Variants in MFAP1 observed in about 807,000 individuals in gnomAD.
MFAP1 encodes the protein microfibril associated protein 1, also known as microfibrillar-associated protein 1.
In MFAP1, 18 loss-of-function variants were observed where a neutral mutation model predicts 62.2. The ratio of observed to expected loss-of-function variants is 0.29; its 90% CI spans 0.20 to 0.43. MFAP1 has a LOEUF of 0.43. Among genes scored for constraint, MFAP1 ranks in the 20% least tolerant of loss-of-function variants. The pLI, the probability that MFAP1 is intolerant of heterozygous loss-of-function variation, is 1.00. For missense variants in MFAP1, 355 were observed against 559.7 expected, an observed-to-expected ratio of 0.63 and a Z score of 3.69; for synonymous variants, 175 against 180.4, an observed-to-expected ratio of 0.97 and a Z score of 0.24.
intron 1 of MFAP1, 48 bp downstream of exon 1, chr15:43,824,443 G>T (rs2087486190): frequency 6.3e-7 from 1 of 1,598,628 alleles, no homozygotes; most frequent in Non-Finnish European, 8.6e-7. Context: ...GGTTGCTGGG[G>T]CCGGAAGGGG....
chr15:43,809,975 T>C, intron 6 of MFAP1, 61 bp from the exon 7 acceptor site: 1 of 1,580,624 alleles, frequency 6.3e-7, no homozygotes, highest in Non-Finnish European at 8.7e-7. Context: ...CCAAATTATC[T>C]GAAAATAACA....
At chr15:43,818,712 C>T (rs1322007982) in intron 1 of MFAP1, among the ~76,000 whole-genome samples, 1 of 151,066 alleles carries the variant, frequency 6.6e-6, no homozygotes, top group Non-Finnish European at 1.5e-5. Context: ...GGGTTTAGAC[C>T]TCATCTCTAC....
rs1057082699 is a variant in MFAP1 at position 43,815,180 on chromosome 15, T to C, written c.300-106A>G. 2.1e-5 allele frequency: 30 copies of C among 1,437,050 alleles called. No individual in the cohort carries two copies. The African/African-American group carries it at 3.4e-4, about 16-fold the overall frequency. The allele number at this position is 1,437,050 out of a possible 1,614,324, so 89.0% of individuals were successfully genotyped here. The stretch of plus-strand genomic sequence containing the variant: ...ACATTATGTTTGCCTTCATTAATAC[T>C]GAAGTTTTTTTTTTTTTGAGGCAGG... On this transcript the variant is annotated intron_variant, in intron 2 of 8. Transcript: ENST00000267812.
At position 43,814,979 on chromosome 15, in the gene MFAP1, C is replaced by T. The variant is rs1369386600; in HGVS notation, c.395G>A (p.Ser132Asn). ...AATTTCCTCCTCCTCTTCTTCACTG[C>T]TGTCTTCTCGTTCCATGCGCCAAGC... ...GDAWRMERED[S>N]SEEEEEEIDD... is the part of the protein sequence containing the mutation. Residue 132 changes from serine (S) to asparagine (N), a missense_variant, in exon 3 of 9, where the codon AGC (serine) becomes AAC (asparagine). Around this residue, in one of 6 missense-constraint regions of MFAP1, gnomAD observed 257 missense variants for 341.3 expected, o/e 0.75. Coordinates refer to ENST00000267812, the MANE Select transcript of MFAP1 (RefSeq NM_005926.3). 3.1e-6 allele frequency: 5 copies of T among 1,614,038 alleles called. No individual in the cohort carries two copies. The highest frequency in any genetic ancestry group is 4.2e-6 in the Non-Finnish European group (5 of 1,180,038).
intron 1 of MFAP1, among the ~76,000 whole-genome samples, chr15:43,821,545 T>A (rs1246148349): frequency 6.6e-6 from 1 of 152,050 alleles, no homozygotes; most frequent in Non-Finnish European, 1.5e-5. Flanking sequence ...AACAAACTTA[T>A]ATGAGAACTC....
chr15:43,811,207 G>A (rs1255510633), intron 6 of MFAP1, among the ~76,000 whole-genome samples: 3 of 150,680 alleles, frequency 2.0e-5, no homozygotes, highest in South Asian at 4.2e-4. Context: ...CTGAAGTCAG[G>A]AGTTCAAGGC....
At chr15:43,808,619 C>T (rs1384646472) in intron 7 of MFAP1, among the ~76,000 whole-genome samples, 1 of 152,222 alleles carries the variant, frequency 6.6e-6, no homozygotes, top group Non-Finnish European at 1.5e-5. Flanking sequence ...CGAAGCAGTA[C>T]AAGAAGTAGT....
Position 43,813,376 on chromosome 15 carries a change from G to A in MFAP1, c.618-19C>T, listed in dbSNP as rs370610836. 102 of 1,596,214 alleles carry A rather than the reference G, an allele frequency of 6.4e-5. 1 individual carries two copies. Among genetic ancestry groups the A allele is most frequent in the South Asian group, 5.6e-4 (50 of 88,920 alleles). On this transcript the variant is annotated intron_variant, in intron 4 of 8. Coordinates refer to ENST00000267812, the MANE Select transcript of MFAP1 (RefSeq NM_005926.3). ...GTCCTTCCTGCATCACAGAGATCCT[G>A]TTAATTGCCCAAAGTCCTTAGAGTG...
intron 6 of MFAP1, among the ~76,000 whole-genome samples, chr15:43,811,028 TAC>T (rs963129019): frequency 1.3e-5 from 2 of 151,602 alleles, no homozygotes; most frequent in African/African-American, 4.8e-5. Flanking sequence ...TTGTTGGGAT[TAC>T]AGGCGTGAGC....
At chr15:43,815,246 C>G (rs1186474412) in intron 2 of MFAP1, among the ~76,000 whole-genome samples, 172 bp from the exon 3 acceptor site, 1 of 151,862 alleles carries the variant, frequency 6.6e-6, no homozygotes. Flanking sequence ...GTGGTGCGAT[C>G]TTGGCTCACT....
intron 2 of MFAP1, among the ~76,000 whole-genome samples, chr15:43,815,300 C>A (rs1223314375): frequency 6.6e-6 from 1 of 152,124 alleles, no homozygotes; most frequent in Non-Finnish European, 1.5e-5. Flanking sequence ...CCACCTCAGC[C>A]TCCTGAGTAG....
At chr15:43,824,418 C>G (rs1269897441) in intron 1 of MFAP1, 73 bp downstream of exon 1, 18 of 1,518,860 alleles carry the variant, frequency 1.2e-5, no homozygotes, top group Non-Finnish European at 1.6e-5. Context: ...GTGGTCTGTC[C>G]GGGAGAGGTC....
In MFAP1 at chr15:43,810,793, G is replaced by A. The variant is rs200034392; in HGVS notation, c.888-879C>T. On this transcript the variant is annotated intron_variant, in intron 6 of 8. Transcript: ENST00000267812. ...TTTTTTTGAGATGGAATCTTGCTCT[G>A]TTGCCCAGGCTGGAGTGCAGTGGCA... 3.8e-4 allele frequency among the ~76,000 whole-genome samples: 57 copies of A among 151,862 alleles called. No homozygotes were observed. The East Asian group carries it at 7.9e-3, about 21-fold the overall frequency.
Position 43,804,981 on chromosome 15 carries a change from G to T in MFAP1, c.*113C>A, listed in dbSNP as rs1022337652. 1.7e-6 allele frequency: 2 copies of T among 1,182,490 alleles called. No individual in the cohort carries two copies. Among genetic ancestry groups the T allele is most frequent in the African/African-American group, 1.5e-5 (1 of 65,352 alleles). The allele number at this position is 1,182,490 out of a possible 1,614,324, so 73.2% of individuals were successfully genotyped here. On this transcript the variant is annotated 3_prime_UTR_variant, in exon 9 of 9. Transcript: ENST00000267812. Reference sequence around the variant, plus strand: ...GCTACCCAGTATCACAAGTATAGCAGTAAGTCCAATATCTGGATACAGGGG... The same window carrying T: ...GCTACCCAGTATCACAAGTATAGCATTAAGTCCAATATCTGGATACAGGGG...
intron 3 of MFAP1, 38 bp from the exon 4 acceptor site, chr15:43,814,726 C>A (rs576329482): frequency 1.1e-5 from 17 of 1,595,232 alleles, no homozygotes; most frequent in South Asian, 1.0e-4. Context: ...AGTCAAATGG[C>A]CTATGGCTTT....
rs1307308734 is a variant in MFAP1, at chr15:43,823,904, G to T, written c.79+587C>A. On this transcript the variant is annotated intron_variant, in intron 1 of 8. Transcript: ENST00000267812. ...CCTGAGCCCCAGGAATTCGAGTCCA[G>T]CCTGGGCAGCATAAGCAGACTTCTA... Among the ~76,000 whole-genome samples the T allele has an allele frequency of 5.3e-5, 8 of 152,272 alleles. No individual in the cohort carries two copies. In the South Asian group the frequency reaches 8.3e-4, roughly 16 times the overall value.
At chr15:43,811,921 T>C (rs1215165022) in intron 6 of MFAP1, among the ~76,000 whole-genome samples, 1 of 152,052 alleles carries the variant, frequency 6.6e-6, no homozygotes, top group Non-Finnish European at 1.5e-5. Flanking sequence ...CCGGGCATGA[T>C]GGCTCATGCC....
intron 4 of MFAP1, among the ~76,000 whole-genome samples, chr15:43,813,766 T>C (rs955950934): frequency 1.3e-5 from 2 of 151,538 alleles, no homozygotes; most frequent in African/African-American, 4.8e-5. Flanking sequence ...TACCTCAGCC[T>C]CCCAAAGTGC....
chr15:43,813,922 T>G (rs192324424), intron 4 of MFAP1, among the ~76,000 whole-genome samples: 2 of 152,110 alleles, frequency 1.3e-5, no homozygotes, highest in Admixed American at 1.3e-4. Context: ...AGGAAAGGAA[T>G]AGGAATTTGC....
Sources: allele counts gnomAD v4.1 joint callset (sites outside exome capture counted in the v4.1 genomes callset), GRCh38; gene constraint gnomAD v4.1.1; regional missense constraint gnomAD v4.1.1; transcripts MANE v1.5; gene names NCBI Gene and HGNC (gene_info 2026-07-23, HGNC 2026-07-21).